ETNK1: variants seen among roughly 807,000 people sequenced by gnomAD.
ETNK1 encodes putative protein product of Nbla10396.
A neutral mutation model predicts 45.1 loss-of-function variants in ETNK1; 8 were observed. That is an observed-to-expected ratio of 0.18 (90% CI 0.10 to 0.32). The LOEUF (loss-of-function observed/expected upper bound fraction) is 0.32, where lower values mean the gene tolerates loss of function less well. Ranked by LOEUF, ETNK1 falls within the 10% of genes least tolerant of loss-of-function variation. The pLI is 1.00. For missense variants in ETNK1, 302 were observed against 430.6 expected, an observed-to-expected ratio of 0.70 and a Z score of 2.64; for synonymous variants, 152 against 151.9, an observed-to-expected ratio of 1.00 and a Z score of -0.01.
At chr12:22,647,784 C>T (rs1218514578) in intron 2 of ETNK1, among the ~76,000 whole-genome samples, 2 of 151,814 alleles carry the variant, frequency 1.3e-5, no homozygotes, top group Non-Finnish European at 2.9e-5. Flanking sequence ...AGAGAAGTAA[C>T]AATTAGTGTT....
chr12:22,662,682 G>A (rs953167010), intron 4 of ETNK1, among the ~76,000 whole-genome samples: 9 of 152,328 alleles, frequency 5.9e-5, no homozygotes, highest in Admixed American at 3.9e-4. Flanking sequence ...ACTGGCGTGA[G>A]CCACTGTGCC....
chr12:22,639,979 T>C (rs1049377545), intron 1 of ETNK1, among the ~76,000 whole-genome samples: 1 of 152,182 alleles, frequency 6.6e-6, no homozygotes, highest in East Asian at 1.9e-4. Context: ...ATACAGTTTG[T>C]AGAAAATGTA....
intron 5 of ETNK1, among the ~76,000 whole-genome samples, chr12:22,673,157 G>A (rs1424928228): frequency 6.6e-6 from 1 of 152,096 alleles, no homozygotes; most frequent in Non-Finnish European, 1.5e-5. Context: ...CACACTTTGA[G>A]GTAGTGCTCC....
intron 6 of ETNK1, 78 bp downstream of exon 6, chr12:22,673,738 A>G (rs1490029262): frequency 1.5e-6 from 2 of 1,360,628 alleles, no homozygotes; most frequent in East Asian, 2.3e-5. Context: ...CATCTTAGAC[A>G]ATTTCCTATT....
chr12:22,672,459 T>G (rs1954118940), intron 5 of ETNK1, among the ~76,000 whole-genome samples: 1 of 152,160 alleles, frequency 6.6e-6, no homozygotes, highest in Non-Finnish European at 1.5e-5. Flanking sequence ...TTCCAGTTAT[T>G]TTGGACTACC....
chr12:22,640,258 A>C (rs1953717855), intron 1 of ETNK1, among the ~76,000 whole-genome samples: 1 of 152,180 alleles, frequency 6.6e-6, no homozygotes, highest in Non-Finnish European at 1.5e-5. Context: ...TTAGTAGCTA[A>C]ATTTACTAGC....
At chr12:22,641,372 T>C (rs1020522000) in intron 1 of ETNK1, among the ~76,000 whole-genome samples, 26 of 152,184 alleles carry the variant, frequency 1.7e-4, no homozygotes, top group African/African-American at 6.3e-4. Flanking sequence ...TCACTCATAT[T>C]AGCCAGGATA....
chr12:22,666,106 C>G (rs767282008), intron 4 of ETNK1, among the ~76,000 whole-genome samples: 5 of 152,160 alleles, frequency 3.3e-5, no homozygotes, highest in Non-Finnish European at 5.9e-5. Flanking sequence ...TCTACCTGCT[C>G]TCACCATGTC....
intron 6 of ETNK1, among the ~76,000 whole-genome samples, chr12:22,680,057 A>G (rs1010002560): frequency 6.6e-6 from 1 of 152,122 alleles, no homozygotes; most frequent in Non-Finnish European, 1.5e-5. Context: ...CTCTTTTTGT[A>G]CTGTCTTGCT....
rs544768957 is a variant in ETNK1, at chr12:22,671,680, T to C, written c.784+325T>C. Among the ~76,000 whole-genome samples the C allele has an allele frequency of 3.3e-5, 5 of 151,308 alleles. No homozygotes were observed. The South Asian group carries it at 6.3e-4, about 19-fold the overall frequency. On this transcript the variant is annotated intron_variant, in intron 5 of 7. Transcript: ENST00000266517. Reference sequence around the variant, plus strand: ...GGTGAAACCCCGTTTCTACTAAAAATACAAAAAATTTAGCCGGGCGTGGTG... The same window carrying C: ...GGTGAAACCCCGTTTCTACTAAAAACACAAAAAATTTAGCCGGGCGTGGTG...
chr12:22,673,623 T>C lies in ETNK1; in HGVS notation c.908T>C (p.Val303Ala), dbSNP rs1245357030. 1.2e-6 allele frequency: 2 copies of C among 1,613,842 alleles called. No individual in the cohort carries two copies. Among genetic ancestry groups the C allele is most frequent in the South Asian group, 1.1e-5 (1 of 91,044 alleles). ...GGGACTGAAGTTACTGAAAAGGAGGTAGAAATACTCTTCATTCAAGTCAAT... is the reference window on the plus strand; with the variant it reads ...GGGACTGAAGTTACTGAAAAGGAGGCAGAAATACTCTTCATTCAAGTCAAT... ...GFGTEVTEKE[V>A]EILFIQVNQF... The change falls in exon 6 of 8, where the codon GTA becomes GCA. Residue 303 changes from valine to alanine, a missense_variant. Val to Ala is a moderately conservative substitution (Grantham distance 64). This residue lies in a region of ETNK1 where 94 missense variants were observed against 152.9 expected (regional missense o/e 0.61). Coordinates refer to ENST00000266517, the MANE Select transcript of ETNK1 (RefSeq NM_018638.5).
rs1333271075 is a variant in ETNK1 at position 22,689,527 on chromosome 12, A to G, written c.*4573A>G. On this transcript the variant is annotated 3_prime_UTR_variant, in exon 8 of 8. Transcript: ENST00000266517. Reference sequence around the variant, plus strand: ...AAATGCCATTAATCATTTTAGTACAACACCTATGTTTATAAAAATTTGAAA... The same window carrying G: ...AAATGCCATTAATCATTTTAGTACAGCACCTATGTTTATAAAAATTTGAAA... 2 of 152,052 alleles carry G rather than the reference A, an allele frequency of 1.3e-5. No individual in the cohort carries two copies. The highest frequency in any genetic ancestry group is 2.9e-5 in the Non-Finnish European group (2 of 67,900). The allele number at this position is 152,052 out of a possible 1,614,324, so 9.4% of individuals were successfully genotyped here.
chr12:22,646,074 C>CA (rs1339003579), intron 2 of ETNK1, among the ~76,000 whole-genome samples: 1 of 151,842 alleles, frequency 6.6e-6, no homozygotes, highest in Non-Finnish European at 1.5e-5. Context: ...AAGAAGATGA[C>CA]ACTGAAGAAC....
chr12:22,663,750 A>G (rs552083020), intron 4 of ETNK1, among the ~76,000 whole-genome samples: 1 of 151,918 alleles, frequency 6.6e-6, no homozygotes, highest in Non-Finnish European at 1.5e-5. Flanking sequence ...ATTTTGATAC[A>G]TTTTTTAGAA....
chr12:22,649,423 T>C (rs993407293), intron 2 of ETNK1, among the ~76,000 whole-genome samples: 1 of 152,090 alleles, frequency 6.6e-6, no homozygotes, highest in Non-Finnish European at 1.5e-5. Flanking sequence ...TAGATTCATG[T>C]TTTTGCACGT....
At chr12:22,667,655 G>A (rs1422825945) in intron 4 of ETNK1, among the ~76,000 whole-genome samples, 2 of 152,106 alleles carry the variant, frequency 1.3e-5, no homozygotes, top group Non-Finnish European at 2.9e-5. Flanking sequence ...TTTTCGTATC[G>A]TTCTCTTCGA....
intron 2 of ETNK1, among the ~76,000 whole-genome samples, chr12:22,657,162 G>T (rs1452673931): frequency 6.6e-6 from 1 of 152,142 alleles, no homozygotes; most frequent in Non-Finnish European, 1.5e-5. Flanking sequence ...CATAAAAATA[G>T]ATTTGTTTTC....
Position 22,688,676 on chromosome 12 carries a change from A to C in ETNK1, c.*3722A>C, listed in dbSNP as rs1954280568. ...GCTTTATGCTAGGAAACTTGTTGAC[A>C]GTAACCTGTGCGACTTTATGCAGAA... On this transcript the variant is annotated 3_prime_UTR_variant, in exon 8 of 8. Transcript: ENST00000266517. The C allele has an allele frequency of 6.6e-6, 1 of 152,392 alleles. No individual in the cohort carries two copies. The highest frequency in any genetic ancestry group is 1.5e-5 in the Non-Finnish European group (1 of 67,806). 9.4% of individuals were successfully genotyped at this position (152,392 alleles called of 1,614,324 possible).
Position 22,625,202 on chromosome 12 carries a change from GA to G in ETNK1, c.-227del. On this transcript the variant is annotated 5_prime_UTR_variant, in exon 1 of 8. Transcript: ENST00000266517. ...GCCCGCGGTCCAGCTCCGACAACAG[GA>G]ATTTTCTCCGAGAGCGGGCCGGGCT... 1.2e-6 allele frequency: 2 copies of G among 1,609,724 alleles called. No individual in the cohort carries two copies. The highest frequency in any genetic ancestry group is 1.7e-6 in the Non-Finnish European group (2 of 1,178,080).
Sources: gnomAD v4.1 joint callset for allele counts (sites outside exome capture counted in the v4.1 genomes callset) on GRCh38, gnomAD v4.1.1 for gene constraint, gnomAD v4.1.1 regional missense constraint, MANE v1.5 for transcripts, NCBI Gene and HGNC (gene_info 2026-07-23, HGNC 2026-07-21) for gene names.